The following CYP19A1 variants were observed in gnomAD, a reference collection of about 807,000 sequenced individuals.
CYP19A1 encodes cytochrome P450 family 19 subfamily A member 1.
Under a neutral mutation model 44.4 loss-of-function variants are expected in CYP19A1, and 32 were observed. The ratio of observed to expected loss-of-function variants is 0.72; its 90% CI spans 0.54 to 0.97. The LOEUF (loss-of-function observed/expected upper bound fraction) is 0.97, where lower values mean the gene tolerates loss of function less well. Ranked by LOEUF, CYP19A1 falls within the 50% of genes least tolerant of loss-of-function variation. The probability of loss-of-function intolerance (pLI) is 0.00; values close to 1 mark genes in which losing one functional copy is unlikely to be tolerated. For missense variants in CYP19A1, 598 were observed against 637.8 expected, an observed-to-expected ratio of 0.94 and a Z score of 0.67; for synonymous variants, 212 against 215.6, an observed-to-expected ratio of 0.98 and a Z score of 0.14.
intron 1 of CYP19A1, among the ~76,000 whole-genome samples, chr15:51,328,111 C>T (rs886415109): frequency 6.6e-6 from 1 of 152,146 alleles, no homozygotes; most frequent in Non-Finnish European, 1.5e-5. Flanking sequence ...ACTGTGATTA[C>T]CATTGCCATT....
intron 1 of CYP19A1, among the ~76,000 whole-genome samples, chr15:51,337,410 T>C (rs537325916): frequency 1.1e-3 from 160 of 152,358 alleles, no homozygotes; most frequent in Non-Finnish European, 1.9e-3. Flanking sequence ...ACAAGTGCTT[T>C]ACAAGTATTT....
intron 2 of CYP19A1, among the ~76,000 whole-genome samples, chr15:51,239,634 T>TA (rs373481551): frequency 0.058 from 8,161 of 141,010 alleles, 674 homozygotes; most frequent in African/African-American, 0.19. Flanking sequence ...GGTAAAATGA[T>TA]AAAAAAAAAA....
chr15:51,285,162 C>A (rs2035654995), intron 1 of CYP19A1, among the ~76,000 whole-genome samples: 1 of 152,208 alleles, frequency 6.6e-6, no homozygotes. Flanking sequence ...GACTGAGTGC[C>A]TCTCTACCCT....
chr15:51,310,710 C>T (rs1443638195), intron 1 of CYP19A1, among the ~76,000 whole-genome samples: 1 of 152,202 alleles, frequency 6.6e-6, no homozygotes, highest in African/African-American at 2.4e-5. Context: ...TGGCATGAAA[C>T]TTTGTGACAT....
chr15:51,308,769 G>A (rs149297204), intron 1 of CYP19A1, among the ~76,000 whole-genome samples: 236 of 152,218 alleles, frequency 1.6e-3, no homozygotes, highest in African/African-American at 5.1e-3. Flanking sequence ...GAAAAATCAC[G>A]TCACTTCTGA....
At chr15:51,260,220 G>C (rs909658679) in intron 1 of CYP19A1, among the ~76,000 whole-genome samples, 9 of 152,206 alleles carry the variant, frequency 5.9e-5, no homozygotes, top group Non-Finnish European at 1.0e-4. Context: ...TATTTTGAGT[G>C]TTTTCCCAGA....
At chr15:51,329,677 C>T (rs2036669975) in intron 1 of CYP19A1, among the ~76,000 whole-genome samples, 1 of 152,244 alleles carries the variant, frequency 6.6e-6, no homozygotes, top group South Asian at 2.1e-4. Context: ...GCGAGTGAAT[C>T]CTGTGGTCAG....
At chr15:51,282,710 G>A (rs1372733983) in intron 1 of CYP19A1, among the ~76,000 whole-genome samples, 1 of 152,234 alleles carries the variant, frequency 6.6e-6, no homozygotes, top group Non-Finnish European at 1.5e-5. Flanking sequence ...CCAACGTGGG[G>A]CGACAAAGGC....
At chr15:51,219,474 T>TG (rs1226753071) in intron 5 of CYP19A1, among the ~76,000 whole-genome samples, 3 of 152,254 alleles carry the variant, frequency 2.0e-5, no homozygotes, top group Non-Finnish European at 4.4e-5. Context: ...ATTCTTGCCA[T>TG]GGGCGTTGTG....
chr15:51,238,114 T>G (rs1197225816), intron 2 of CYP19A1, among the ~76,000 whole-genome samples: 1 of 152,256 alleles, frequency 6.6e-6, no homozygotes, highest in Non-Finnish European at 1.5e-5. Flanking sequence ...GCTGAGTTAA[T>G]ATGAGCAAGA....
intron 1 of CYP19A1, among the ~76,000 whole-genome samples, chr15:51,245,729 T>C (rs1351847976): frequency 2.0e-5 from 3 of 152,252 alleles, no homozygotes; most frequent in African/African-American, 7.2e-5. Flanking sequence ...AAACATGTGC[T>C]ATGTGTCAGA....
chr15:51,255,151 C>T (rs1222874751), intron 1 of CYP19A1, among the ~76,000 whole-genome samples: 2 of 152,102 alleles, frequency 1.3e-5, no homozygotes, highest in Non-Finnish European at 2.9e-5. Context: ...TGTTCAAAGG[C>T]CCTGATGGTG....
At chr15:51,224,631 A>C (rs2032418545) in intron 4 of CYP19A1, among the ~76,000 whole-genome samples, 1 of 152,216 alleles carries the variant, frequency 6.6e-6, no homozygotes, top group Non-Finnish European at 1.5e-5. Flanking sequence ...GTAGCTCCTA[A>C]ATGTTCTCAC....
chr15:51,229,776 T>C (rs1191640134), intron 3 of CYP19A1, among the ~76,000 whole-genome samples: 1 of 152,220 alleles, frequency 6.6e-6, no homozygotes, highest in Non-Finnish European at 1.5e-5. Context: ...TATTCTTTAT[T>C]CACAAACTAA....
At chr15:51,270,603 G>A (rs747933019) in intron 1 of CYP19A1, among the ~76,000 whole-genome samples, 15 of 152,138 alleles carry the variant, frequency 9.9e-5, no homozygotes, top group Non-Finnish European at 1.8e-4. Context: ...TCTCATTTGA[G>A]TCTTTAAAAT....
intron 1 of CYP19A1, among the ~76,000 whole-genome samples, chr15:51,335,918 C>T (rs559500522): frequency 3.9e-4 from 59 of 152,320 alleles, no homozygotes; most frequent in African/African-American, 1.3e-3. Context: ...CATGTGGCAC[C>T]GCATTGGCTT....
At chr15:51,329,351 C>T (rs1331500535) in intron 1 of CYP19A1, among the ~76,000 whole-genome samples, 1 of 152,174 alleles carries the variant, frequency 6.6e-6, no homozygotes, top group African/African-American at 2.4e-5. Context: ...ACCAGAGGGG[C>T]AGGAGACACT....
At chr15:51,226,353 C>T (rs1273960222) in intron 4 of CYP19A1, among the ~76,000 whole-genome samples, 1 of 152,194 alleles carries the variant, frequency 6.6e-6, no homozygotes, top group African/African-American at 2.4e-5. Flanking sequence ...TGGTTTTCAG[C>T]TCATTGAGAT....
At chr15:51,280,692 T>C (rs971415960) in intron 1 of CYP19A1, among the ~76,000 whole-genome samples, 1 of 152,094 alleles carries the variant, frequency 6.6e-6, no homozygotes, top group African/African-American at 2.4e-5. Flanking sequence ...GTGAAGAAAA[T>C]AGGCTTGGAC....
Sources: allele counts gnomAD v4.1 joint callset (sites outside exome capture counted in the v4.1 genomes callset), GRCh38; gene constraint gnomAD v4.1.1; transcripts MANE v1.5; gene names NCBI Gene and HGNC (gene_info 2026-07-23, HGNC 2026-07-21).